UNC5D: variants seen among roughly 807,000 people sequenced by gnomAD.
UNC5D encodes unc-5 netrin receptor D, also known as netrin receptor UNC5D.
Under a neutral mutation model 105.4 loss-of-function variants are expected in UNC5D, and 39 were observed. The ratio of observed to expected loss-of-function variants is 0.37; its 90% CI spans 0.29 to 0.48. The LOEUF (loss-of-function observed/expected upper bound fraction) is 0.48. Among genes scored for constraint, UNC5D ranks in the 20% least tolerant of loss-of-function variants. The pLI, the probability that UNC5D is intolerant of heterozygous loss-of-function variation, is 0.98. For missense variants in UNC5D, 991 were observed against 1,202.4 expected (o/e 0.82, Z 2.60); for synonymous variants, 452 against 450.4 (o/e 1.00, Z -0.04).
At chr8:35,248,731 A>G (rs1215253284) in intron 1 of UNC5D, among the ~76,000 whole-genome samples, 1 of 100,170 alleles carries the variant, frequency 1.0e-5, no homozygotes, top group Non-Finnish European at 1.7e-5. Context: ...ATATAAAAAT[A>G]TATAATATAT....
chr8:35,499,914 C>T (rs1184699234), intron 1 of UNC5D, among the ~76,000 whole-genome samples: 1 of 152,100 alleles, frequency 6.6e-6, no homozygotes, highest in Non-Finnish European at 1.5e-5. Flanking sequence ...TTTATTAATG[C>T]TTATACTGGA....
At chr8:35,614,985 G>T (rs1201269906) in intron 4 of UNC5D, among the ~76,000 whole-genome samples, 2 of 147,190 alleles carry the variant, frequency 1.4e-5, no homozygotes, top group Non-Finnish European at 3.0e-5. Flanking sequence ...CAAAGCAAGA[G>T]AATCGCTTGA....
In UNC5D at chr8:35,790,569, T is replaced by C. The variant is rs1563766597; in HGVS notation, c.*6T>C. ...GCAGGCAAAATGGACTCTAGTCCAC[T>C]TCCTCCCATGAGACAGAGTGATGGC... On this transcript the variant is annotated 3_prime_UTR_variant, in exon 17 of 17. Transcript: ENST00000404895. 1 of 1,613,558 alleles carries C rather than the reference T, an allele frequency of 6.2e-7. No homozygotes were observed. The highest frequency in any genetic ancestry group is 8.5e-7 in the Non-Finnish European group (1 of 1,179,738).
At chr8:35,403,095 A>G (rs1410878528) in intron 1 of UNC5D, among the ~76,000 whole-genome samples, 1 of 152,228 alleles carries the variant, frequency 6.6e-6, no homozygotes, top group Admixed American at 6.5e-5. Context: ...TTTCTACTCC[A>G]TGTCACCTAT....
In UNC5D at chr8:35,750,758, G is replaced by T. The variant is rs1038107652; in HGVS notation, c.2112G>T (p.Leu704=). 3 of 1,613,936 alleles carry T rather than the reference G, an allele frequency of 1.9e-6. No homozygotes were observed. Among genetic ancestry groups the T allele is most frequent in the Non-Finnish European group, 1.7e-6 (2 of 1,180,014 alleles). The stretch of plus-strand genomic sequence containing the variant: ...TTGGCTGCATGTCCTGTAACTCCCT[G>T]GATTACAACTTGAGAGTTTACTGTG... ...AVFGCMSCNS[L]DYNLRVYCVD... Residue 704 remains leucine, a synonymous_variant, in exon 13 of 17, where the codon CTG becomes CTT. Transcript: ENST00000404895.
At chr8:35,264,150 A>G (rs188888971) in intron 1 of UNC5D, among the ~76,000 whole-genome samples, 1 of 152,336 alleles carries the variant, frequency 6.6e-6, no homozygotes, top group African/African-American at 2.4e-5. Flanking sequence ...GGGCTCATCT[A>G]TATCTAGCTA....
At chr8:35,538,886 C>T (rs1190521151) in intron 1 of UNC5D, among the ~76,000 whole-genome samples, 2 of 151,884 alleles carry the variant, frequency 1.3e-5, no homozygotes, top group African/African-American at 4.8e-5. Flanking sequence ...GTCTTTAGGA[C>T]ATTTAAGTAA....
At position 35,371,276 on chromosome 8, in the gene UNC5D, A is replaced by G. The variant is rs912738242; in HGVS notation, c.103+135389A>G. Among the ~76,000 whole-genome samples, 6 of 152,102 alleles carry G rather than the reference A, an allele frequency of 3.9e-5. No individual in the cohort carries two copies. In the South Asian group the frequency reaches 1.0e-3, roughly 26 times the overall value. ...TTCTGATTTATGTTTCATACTTCAT[A>G]TGCTTCATTGGATTGCCACCTCTTA... is the stretch of plus-strand genomic sequence containing the variant. On this transcript the variant is annotated intron_variant, in intron 1 of 16. Coordinates refer to ENST00000404895, the MANE Select transcript of UNC5D (RefSeq NM_080872.4).
At chr8:35,261,799 G>T (rs1804518003) in intron 1 of UNC5D, among the ~76,000 whole-genome samples, 1 of 152,124 alleles carries the variant, frequency 6.6e-6, no homozygotes, top group Admixed American at 6.5e-5. Flanking sequence ...TTATAACAGG[G>T]ACCATTTAGA....
intron 1 of UNC5D, among the ~76,000 whole-genome samples, chr8:35,247,534 ATG>A (rs1223869110): frequency 8.1e-6 from 1 of 123,552 alleles, no homozygotes; most frequent in Non-Finnish European, 1.6e-5. Context: ...ATATATATAT[ATG>A]TATAAAATAT....
In UNC5D at chr8:35,544,515, T is replaced by C. The variant is rs1414193424; in HGVS notation, c.104-4777T>C. On this transcript the variant is annotated intron_variant, in intron 1 of 16. Transcript: ENST00000404895. ...GGGACTTCCGGGTTCCTGTTGGACTTTTCCTCCCAAACTTCACCAGGTAAG... is the reference window on the plus strand; with the variant it reads ...GGGACTTCCGGGTTCCTGTTGGACTCTTCCTCCCAAACTTCACCAGGTAAG... 4 of 1,613,792 alleles carry C rather than the reference T, an allele frequency of 2.5e-6. No individual in the cohort carries two copies. The African/African-American group carries it at 4.0e-5, about 16-fold the overall frequency.
At chr8:35,527,325 G>C (rs371436339) in intron 1 of UNC5D, among the ~76,000 whole-genome samples, 1 of 152,090 alleles carries the variant, frequency 6.6e-6, no homozygotes, top group African/African-American at 2.4e-5. Context: ...GGCATCTGTC[G>C]CAGTCAGTTC....
intron 4 of UNC5D, among the ~76,000 whole-genome samples, chr8:35,678,833 CTCTT>C (rs911938317): frequency 3.3e-5 from 5 of 151,454 alleles, no homozygotes; most frequent in African/African-American, 1.2e-4. Context: ...TCTCTTTTTT[CTCTT>C]TCTTTCTCTC....
chr8:35,244,603 A>G (rs1802978611), intron 1 of UNC5D, among the ~76,000 whole-genome samples: 2 of 152,322 alleles, frequency 1.3e-5, no homozygotes, highest in Admixed American at 6.5e-5. Context: ...GTATGGAGTA[A>G]TTGATGTGTA....
intron 1 of UNC5D, among the ~76,000 whole-genome samples, chr8:35,524,713 T>C (rs558730899): frequency 6.6e-6 from 1 of 151,532 alleles, no homozygotes; most frequent in East Asian, 1.9e-4. Flanking sequence ...GTGAGACGTT[T>C]GCTGCTCTGG....
chr8:35,323,702 G>A (rs1046969269), intron 1 of UNC5D, among the ~76,000 whole-genome samples: 4 of 152,008 alleles, frequency 2.6e-5, no homozygotes, highest in Non-Finnish European at 4.4e-5. Context: ...CTCCATTTTA[G>A]CGATAAAATA....
chr8:35,437,477 A>T (rs1807096143), intron 1 of UNC5D, among the ~76,000 whole-genome samples: 1 of 152,142 alleles, frequency 6.6e-6, no homozygotes, highest in South Asian at 2.1e-4. Context: ...GGAAATATCT[A>T]TGGATGGGTA....
chr8:35,672,692 T>A (rs1160244942), intron 4 of UNC5D, among the ~76,000 whole-genome samples: 1 of 152,232 alleles, frequency 6.6e-6, no homozygotes, highest in Non-Finnish European at 1.5e-5. Flanking sequence ...TTCTTCTGTT[T>A]AATGTTCTTT....
intron 1 of UNC5D, among the ~76,000 whole-genome samples, chr8:35,399,184 A>T (rs1804295574): frequency 6.6e-6 from 1 of 150,538 alleles, no homozygotes; most frequent in Non-Finnish European, 1.5e-5. Flanking sequence ...CTACATAACC[A>T]TTAATTCCTC....
Sources: gnomAD v4.1 joint callset for allele counts (sites outside exome capture counted in the v4.1 genomes callset) on GRCh38, gnomAD v4.1.1 for gene constraint, MANE v1.5 for transcripts, NCBI Gene and HGNC (gene_info 2026-07-23, HGNC 2026-07-21) for gene names.